HS6ST3: variants seen among roughly 807,000 people sequenced by gnomAD.
The protein encoded by HS6ST3 is heparan-sulfate 6-O-sulfotransferase 3.
HS6ST3 carries 12 observed loss-of-function variants against 36.7 expected under a neutral mutation model. The ratio of observed to expected loss-of-function variants is 0.33; its 90% CI spans 0.21 to 0.53. The LOEUF (loss-of-function observed/expected upper bound fraction) is 0.53. HS6ST3 is among the 20% of genes least tolerant of loss of function. The pLI is 0.95. For synonymous variants in HS6ST3, 240 were observed against 257.5 expected (o/e 0.93, Z 0.65); for missense variants, 584 against 640.9 (o/e 0.91, Z 0.96).
At chr13:96,527,983 C>T (rs1302417226) in intron 1 of HS6ST3, among the ~76,000 whole-genome samples, 1 of 152,124 alleles carries the variant, frequency 6.6e-6, no homozygotes, top group Non-Finnish European at 1.5e-5. Flanking sequence ...CTTGTAGTCC[C>T]TATATTCTCA....
chr13:96,442,791 A>AT (rs2055679329), intron 1 of HS6ST3, among the ~76,000 whole-genome samples: 2 of 151,980 alleles, frequency 1.3e-5, no homozygotes, highest in Admixed American at 1.3e-4. Flanking sequence ...AAAAAAAAAA[A>AT]AAAGTCTGAG....
chr13:96,376,254 C>A (rs1203480834), intron 1 of HS6ST3, among the ~76,000 whole-genome samples: 1 of 152,170 alleles, frequency 6.6e-6, no homozygotes, highest in Admixed American at 6.5e-5. Flanking sequence ...AAATATGCTG[C>A]CACTAGCATT....
At chr13:96,562,065 C>T (rs1168639952) in intron 1 of HS6ST3, among the ~76,000 whole-genome samples, 4 of 152,116 alleles carry the variant, frequency 2.6e-5, no homozygotes, top group Non-Finnish European at 4.4e-5. Flanking sequence ...CTGCCAAAAG[C>T]ACATATGCAT....
At chr13:96,353,046 CTTTTTTTTTTTTT>C (rs1026366277) in intron 1 of HS6ST3, among the ~76,000 whole-genome samples, 10 of 85,436 alleles carry the variant, frequency 1.2e-4, no homozygotes, top group African/African-American at 4.0e-4. Flanking sequence ...CTAGCGTATT[CTTTTTTTTTTTTT>C]TTTTTTTTTT....
At chr13:96,183,579 A>G (rs948417767) in intron 1 of HS6ST3, among the ~76,000 whole-genome samples, 2 of 152,306 alleles carry the variant, frequency 1.3e-5, no homozygotes, top group Admixed American at 6.5e-5. Context: ...CCATGACCAC[A>G]TCATAAAAAA....
intron 1 of HS6ST3, among the ~76,000 whole-genome samples, chr13:96,579,388 C>T (rs2056333578): frequency 6.6e-6 from 1 of 151,976 alleles, no homozygotes. Flanking sequence ...ACTTGGTTGC[C>T]TCTTAGCTAT....
intron 1 of HS6ST3, among the ~76,000 whole-genome samples, chr13:96,668,832 A>T (rs2056673864): frequency 6.6e-6 from 1 of 150,390 alleles, no homozygotes; most frequent in Non-Finnish European, 1.5e-5. Flanking sequence ...CTTGCACATT[A>T]GTCTTACATT....
intron 1 of HS6ST3, among the ~76,000 whole-genome samples, chr13:96,743,084 T>C (rs528301194): frequency 6.6e-5 from 10 of 152,210 alleles, no homozygotes; most frequent in African/African-American, 2.4e-4. Flanking sequence ...TTATTTTTCA[T>C]GTAGCAACAG....
intron 1 of HS6ST3, among the ~76,000 whole-genome samples, chr13:96,146,785 G>T (rs1489624959): frequency 1.3e-5 from 2 of 152,124 alleles, no homozygotes; most frequent in Non-Finnish European, 2.9e-5. Flanking sequence ...AGTACTTTAT[G>T]ATTTCTTTAA....
intron 1 of HS6ST3, among the ~76,000 whole-genome samples, chr13:96,193,482 C>G (rs928417187): frequency 2.6e-5 from 4 of 152,118 alleles, no homozygotes; most frequent in African/African-American, 9.7e-5. Context: ...TCTAAGAGAG[C>G]TGTGAAACAT....
At chr13:96,763,151 A>T (rs188611496) in intron 1 of HS6ST3, among the ~76,000 whole-genome samples, 56 of 152,220 alleles carry the variant, frequency 3.7e-4, no homozygotes, top group Non-Finnish European at 6.2e-4. Flanking sequence ...AGAAAGAAAA[A>T]TGTGGACTAC....
intron 1 of HS6ST3, among the ~76,000 whole-genome samples, chr13:96,478,782 C>T (rs1382619589): frequency 5.3e-5 from 8 of 152,116 alleles, no homozygotes; most frequent in Admixed American, 5.2e-4. Context: ...CAATTACTAC[C>T]ATTTTACAAA....
At chr13:96,258,562 G>A (rs964452056) in intron 1 of HS6ST3, among the ~76,000 whole-genome samples, 1 of 152,140 alleles carries the variant, frequency 6.6e-6, no homozygotes. Context: ...TACAGTCAGA[G>A]TAAAGATTAA....
At chr13:96,207,716 A>G (rs1455298573) in intron 1 of HS6ST3, among the ~76,000 whole-genome samples, 1 of 152,212 alleles carries the variant, frequency 6.6e-6, no homozygotes, top group Non-Finnish European at 1.5e-5. Flanking sequence ...TCTTCAGCAA[A>G]CTAATGCAAC....
At chr13:96,100,423 A>G (rs571850660) in intron 1 of HS6ST3, among the ~76,000 whole-genome samples, 2 of 152,304 alleles carry the variant, frequency 1.3e-5, no homozygotes, top group African/African-American at 4.8e-5. Context: ...TAGGGAAACC[A>G]ATATTGGACC....
chr13:96,237,007 G>C (rs902362033), intron 1 of HS6ST3, among the ~76,000 whole-genome samples: 3 of 152,186 alleles, frequency 2.0e-5, no homozygotes, highest in Non-Finnish European at 4.4e-5. Flanking sequence ...CCTCTTCACA[G>C]GGCAGCAGTA....
At chr13:96,650,496 A>G (rs1412885504) in intron 1 of HS6ST3, among the ~76,000 whole-genome samples, 3 of 152,020 alleles carry the variant, frequency 2.0e-5, no homozygotes, top group African/African-American at 4.8e-5. Flanking sequence ...TGAACGAATG[A>G]GTCACTTTTG....
At chr13:96,271,708 T>C (rs887545613) in intron 1 of HS6ST3, among the ~76,000 whole-genome samples, 4 of 151,946 alleles carry the variant, frequency 2.6e-5, no homozygotes, top group African/African-American at 9.7e-5. Flanking sequence ...TCTGAGAGAA[T>C]CTCCCAATCT....
At chr13:96,245,046 A>G (rs1032133915) in intron 1 of HS6ST3, among the ~76,000 whole-genome samples, 5 of 152,198 alleles carry the variant, frequency 3.3e-5, no homozygotes, top group African/African-American at 4.8e-5. Context: ...TTCGTAGCCT[A>G]CTTGGTTGAA....
Sources: allele counts gnomAD v4.1 joint callset (sites outside exome capture counted in the v4.1 genomes callset), GRCh38; gene constraint gnomAD v4.1.1; transcripts MANE v1.5; gene names NCBI Gene and HGNC (gene_info 2026-07-23, HGNC 2026-07-21).